The following LDHB variants were observed in gnomAD, a reference collection of about 807,000 sequenced individuals.
LDHB encodes L-lactate dehydrogenase B chain.
In LDHB, 18 loss-of-function variants were observed where a neutral mutation model predicts 33.4. That is an observed-to-expected ratio of 0.54 (90% CI 0.37 to 0.80). The LOEUF is 0.80. LDHB is among the 30% of genes least tolerant of loss of function. The pLI is 0.00. For missense variants in LDHB, 345 were observed against 407.9 expected, an observed-to-expected ratio of 0.85 and a Z score of 1.33; for synonymous variants, 121 against 140.6, an observed-to-expected ratio of 0.86 and a Z score of 0.98.
In LDHB at chr12:21,635,708, C is replaced by T. The variant is rs1399015314; in HGVS notation, c.839G>A (p.Gly280Glu). Residue 280 changes from glycine (G) to glutamate (E), a missense_variant and splice_region_variant, in exon 8 of 8, where the codon GGG (glycine) becomes GAG (glutamate). Coordinates refer to ENST00000350669, the MANE Select transcript of LDHB (RefSeq NM_002300.8). The part of the protein sequence containing the change: ...RIHPVSTMVK[G>E]MYGIENEVFL... ...GACTTCATTCTCAATGCCATACATCCCCTGCCAGAACAACAAAGCATCGAG... is the reference window on the plus strand; with the variant it reads ...GACTTCATTCTCAATGCCATACATCTCCTGCCAGAACAACAAAGCATCGAG... 21 of 1,613,230 alleles carry T rather than the reference C, an allele frequency of 1.3e-5. No individual in the cohort carries two copies. The highest frequency in any genetic ancestry group is 1.5e-5 in the Non-Finnish European group (18 of 1,179,524).
intron 2 of LDHB, among the ~76,000 whole-genome samples, chr12:21,648,230 A>C (rs1003658484): frequency 4.6e-5 from 7 of 152,132 alleles, no homozygotes; most frequent in African/African-American, 1.7e-4. Flanking sequence ...GAATACATCA[A>C]TACTGGGGCC....
rs1034912555 is a variant in LDHB at position 21,657,772 on chromosome 12, G to A, written c.-28C>T. ...CTACCAGGAGAGAGAAGGCTCTGGA[G>A]ACCTCTGTAACAGTCGTGCGGAGAA... On this transcript the variant is annotated 5_prime_UTR_variant, in exon 1 of 8. Coordinates refer to ENST00000350669, the MANE Select transcript of LDHB (RefSeq NM_002300.8). The A allele has an allele frequency of 6.6e-6, 1 of 152,374 alleles. No individual in the cohort carries two copies. Among genetic ancestry groups the A allele is most frequent in the Non-Finnish European group, 1.5e-5 (1 of 68,134 alleles). The allele number at this position is 152,374 out of a possible 1,614,324, so 9.4% of individuals were successfully genotyped here.
Position 21,635,476 on chromosome 12 carries a change from T to A in LDHB, c.*66A>T, listed in dbSNP as rs1377107144. The A allele has an allele frequency of 7.5e-7, 1 of 1,331,478 alleles. No homozygotes were observed. Among genetic ancestry groups the A allele is most frequent in the Non-Finnish European group, 1.1e-6 (1 of 924,468 alleles). 82.5% of individuals were successfully genotyped at this position (1,331,478 alleles called of 1,614,324 possible). The stretch of plus-strand genomic sequence containing the variant: ...GCAAACTGTGATCCATGTACATGGA[T>A]GAAAACTAAAGGCTCGAGTTAATCA... On this transcript the variant is annotated 3_prime_UTR_variant, in exon 8 of 8. Coordinates refer to ENST00000350669, the MANE Select transcript of LDHB (RefSeq NM_002300.8).
In LDHB at chr12:21,637,353, A is replaced by G. The variant is rs1938247265; in HGVS notation, c.714-159T>C. On this transcript the variant is annotated intron_variant, in intron 6 of 7. Coordinates refer to ENST00000350669, the MANE Select transcript of LDHB (RefSeq NM_002300.8). ...CTTTTTGAGTGTTAAATGAATTAAT[A>G]TATATGTAAAATGCTTAAAACTGTA... is the stretch of plus-strand genomic sequence containing the variant. 1.1e-5 allele frequency: 7 copies of G among 614,590 alleles called. No homozygotes were observed. The East Asian group carries it at 1.7e-4, about 15-fold the overall frequency. The allele number at this position is 614,590 out of a possible 1,614,324, so 38.1% of individuals were successfully genotyped here.
Position 21,654,308 on chromosome 12 carries a change from A to G in LDHB, c.129+235T>C, listed in dbSNP as rs1938776401. ...AGTGTATACTGGATGATAGTATTGC[A>G]TCAGTGTTAAATTCTCTAAGTGTAG... On this transcript the variant is annotated intron_variant, in intron 2 of 7. Transcript: ENST00000350669. The G allele has an allele frequency of 7.5e-6, 4 of 532,028 alleles. No individual in the cohort carries two copies. In the African/African-American group the frequency reaches 7.6e-5, roughly 10 times the overall value. 33.0% of individuals were successfully genotyped at this position (532,028 alleles called of 1,614,324 possible).
chr12:21,652,084 TGAA>T, intron 2 of LDHB, among the ~76,000 whole-genome samples: 1 of 131,740 alleles, frequency 7.6e-6, no homozygotes, highest in Non-Finnish European at 1.6e-5. Flanking sequence ...AACTACTTAC[TGAA>T]GAAGATTTAA....
At chr12:21,637,261 T>C in intron 6 of LDHB, 67 bp from the exon 7 acceptor site, 1 of 1,185,874 alleles carries the variant, frequency 8.4e-7, no homozygotes. Flanking sequence ...GACCTGACTT[T>C]GACTACTGCT....
chr12:21,646,823 C>A, intron 3 of LDHB, 76 bp downstream of exon 3: 1 of 832,970 alleles, frequency 1.2e-6, no homozygotes. Context: ...ATCTATTATG[C>A]TGTAAGATGC....
At position 21,635,801 on chromosome 12, in the gene LDHB, C is replaced by T. The variant is rs145825977; in HGVS notation, c.838-92G>A. 1.9e-4 allele frequency: 229 copies of T among 1,188,622 alleles called. No homozygotes were observed. The African/African-American group carries it at 3.0e-3, about 16-fold the overall frequency. 73.6% of individuals were successfully genotyped at this position (1,188,622 alleles called of 1,614,324 possible). On this transcript the variant is annotated intron_variant, in intron 7 of 7. Coordinates refer to ENST00000350669, the MANE Select transcript of LDHB (RefSeq NM_002300.8). ...GGCTGAGGTGGGAGGACTGTTTGAG[C>T]CCAGGAGTTTGAAGCTTCAGTGAGC...
chr12:21,655,648 C>T (rs1018338517), intron 1 of LDHB, among the ~76,000 whole-genome samples: 1 of 152,170 alleles, frequency 6.6e-6, no homozygotes, highest in Non-Finnish European at 1.5e-5. Flanking sequence ...AATACATTGT[C>T]GTTTCAGGGG....
chr12:21,638,476 TAAAAAA>T lies in LDHB; in HGVS notation c.596-12_596-7del. On this transcript the variant is annotated splice_region_variant and splice_polypyrimidine_tract_variant and intron_variant, in intron 5 of 7. Coordinates refer to ENST00000350669, the MANE Select transcript of LDHB (RefSeq NM_002300.8). ...CACACCACTCCACACAGCCACTGTT[TAAAAAA>T]AAAAAAAAAGACATTGCAGTTATTT... 9.1e-7 allele frequency: 1 copy of T among 1,097,158 alleles called. No homozygotes were observed. The highest frequency in any genetic ancestry group is 1.3e-6 in the Non-Finnish European group (1 of 743,800). 68.0% of individuals were successfully genotyped at this position (1,097,158 alleles called of 1,614,324 possible).
intron 7 of LDHB, among the ~76,000 whole-genome samples, chr12:21,636,343 C>CT (rs1034740334): frequency 7.0e-6 from 1 of 142,320 alleles, no homozygotes; most frequent in Non-Finnish European, 1.5e-5. Flanking sequence ...CCAAGAATTG[C>CT]TAAAAAAAAA....
chr12:21,637,545 A>C (rs1448544210), intron 6 of LDHB, among the ~76,000 whole-genome samples: 1 of 152,152 alleles, frequency 6.6e-6, no homozygotes, highest in Non-Finnish European at 1.5e-5. Context: ...AAGTGAAAGA[A>C]CAAAATATAT....
chr12:21,646,876 C>T, intron 3 of LDHB, 23 bp downstream of exon 3: 1 of 1,350,482 alleles, frequency 7.4e-7, no homozygotes, highest in Non-Finnish European at 1.1e-6. Context: ...TATTAGATCA[C>T]TTTGGGCATT....
At chr12:21,644,726 G>A (rs1010415778) in intron 3 of LDHB, among the ~76,000 whole-genome samples, 1 of 152,102 alleles carries the variant, frequency 6.6e-6, no homozygotes, top group Non-Finnish European at 1.5e-5. Context: ...ATTAAACTGG[G>A]TTACAGTGCG....
At chr12:21,649,898 C>G (rs1938634211) in intron 2 of LDHB, among the ~76,000 whole-genome samples, 2 of 151,996 alleles carry the variant, frequency 1.3e-5, no homozygotes, top group Non-Finnish European at 2.9e-5. Flanking sequence ...TTGAGAACAG[C>G]CTGGCCAACA....
intron 7 of LDHB, among the ~76,000 whole-genome samples, chr12:21,636,202 A>T (rs1258497531): frequency 6.6e-6 from 1 of 152,070 alleles, no homozygotes; most frequent in Admixed American, 6.6e-5. Flanking sequence ...TGTGGTTCTT[A>T]ATGGATTACT....
At chr12:21,639,455 A>T (rs538612554) in intron 5 of LDHB, among the ~76,000 whole-genome samples, 1 of 151,684 alleles carries the variant, frequency 6.6e-6, no homozygotes, top group South Asian at 2.1e-4. Context: ...TCTCACTAAA[A>T]TTAAAGTCCT....
intron 2 of LDHB, among the ~76,000 whole-genome samples, chr12:21,653,925 G>C (rs2136983340): frequency 6.6e-6 from 1 of 152,284 alleles, no homozygotes; most frequent in African/African-American, 2.4e-5. Flanking sequence ...AAGGCTTGCT[G>C]TGACCACTTG....
Sources: allele counts gnomAD v4.1 joint callset (sites outside exome capture counted in the v4.1 genomes callset), GRCh38; gene constraint gnomAD v4.1.1; transcripts MANE v1.5; gene names NCBI Gene and HGNC (gene_info 2026-07-23, HGNC 2026-07-21).